Variants in IGF2R observed in about 807,000 individuals in gnomAD.
IGF2R encodes cation-independent mannose-6-phosphate receptor.
Under a neutral mutation model 270.6 loss-of-function variants are expected in IGF2R, and 91 were observed. The observed-to-expected ratio is 0.34, with a 90% CI of 0.28 to 0.40. The LOEUF is 0.40. IGF2R is among the 10% of genes least tolerant of loss of function. The pLI, the probability that IGF2R is intolerant of heterozygous loss-of-function variation, is 1.00. For synonymous variants in IGF2R, 1,316 were observed against 1,258.9 expected (o/e 1.05, Z -0.96); for missense variants, 2,805 against 3,188.3 (o/e 0.88, Z 2.90).
At chr6:159,980,188 AAAGAAAG>A (rs1287554458) in intron 1 of IGF2R, among the ~76,000 whole-genome samples, 3 of 28,860 alleles carry the variant, frequency 1.0e-4, no homozygotes, top group African/African-American at 5.4e-4. Flanking sequence ...CTCAAAAAAG[AAAGAAAG>A]AAAGAAAGAA....
chr6:160,063,834 A>G (rs953910867), intron 27 of IGF2R, among the ~76,000 whole-genome samples: 1 of 151,428 alleles, frequency 6.6e-6, no homozygotes, highest in African/African-American at 2.4e-5. Flanking sequence ...GAGCATGTCT[A>G]TTTTATTCTT....
At chr6:160,007,501 A>G (rs944946722) in intron 2 of IGF2R, 4 of 151,994 alleles carry the variant, frequency 2.6e-5, no homozygotes, top group African/African-American at 9.7e-5. Context: ...ATTGATGTAC[A>G]TTTTTCTTTG....
Position 160,019,124 on chromosome 6 carries a change from C to A in IGF2R, c.514-5448C>A, listed in dbSNP as rs192137084. Among the ~76,000 whole-genome samples, 432 of 152,044 alleles carry A rather than the reference C, an allele frequency of 2.8e-3. 7 individuals carry two copies. Among genetic ancestry groups the A allele is most frequent in the East Asian group, 0.012 (60 of 5,182 alleles). Reference sequence around the variant, plus strand: ...AAGAAAGTAGACATTACAGCTGATACCACAAAAAAGATCATAAGAGACTTC... The same window carrying A: ...AAGAAAGTAGACATTACAGCTGATAACACAAAAAAGATCATAAGAGACTTC... On this transcript the variant is annotated intron_variant, in intron 4 of 47. Transcript: ENST00000356956.
rs187344617 is a variant in IGF2R, at chr6:160,077,326, C to T, written c.5317-875C>T. 4.7e-4 allele frequency among the ~76,000 whole-genome samples: 72 copies of T among 152,212 alleles called. No individual in the cohort carries two copies. In the South Asian group the frequency reaches 7.5e-3, roughly 16 times the overall value. ...ATGGGGCAACGTGGATTTTGCCTTG[C>T]GGGGGGCTTCTGCATTAAGTTCTTC... On this transcript the variant is annotated intron_variant, in intron 36 of 47. Transcript: ENST00000356956.
intron 3 of IGF2R, among the ~76,000 whole-genome samples, chr6:160,010,030 A>G (rs1435407737): frequency 6.6e-6 from 1 of 152,226 alleles, no homozygotes; most frequent in East Asian, 1.9e-4. Context: ...GATTTATATT[A>G]CAGAATAAAA....
chr6:160,039,161 A>T (rs1481241116), intron 10 of IGF2R, among the ~76,000 whole-genome samples: 1 of 152,228 alleles, frequency 6.6e-6, no homozygotes, highest in Admixed American at 6.5e-5. Context: ...ACACACCTAG[A>T]TGGTATAGCC....
At chr6:160,053,857 G>A (rs1220949540) in intron 19 of IGF2R, among the ~76,000 whole-genome samples, 2 of 152,088 alleles carry the variant, frequency 1.3e-5, no homozygotes, top group African/African-American at 2.4e-5. Context: ...AACTACAGGT[G>A]GAGTTACCTG....
chr6:160,061,426 T>G, intron 23 of IGF2R, 77 bp from the exon 24 acceptor site: 1 of 1,363,752 alleles, frequency 7.3e-7, no homozygotes, highest in Non-Finnish European at 1.0e-6. Flanking sequence ...CCTCAGGGCT[T>G]ATTTAGGGTG....
At chr6:160,076,087 T>TA (rs1450353654) in intron 36 of IGF2R, 91 bp downstream of exon 36, 3 of 1,239,726 alleles carry the variant, frequency 2.4e-6, no homozygotes, top group African/African-American at 3.0e-5. Flanking sequence ...GGTCCAAGGA[T>TA]ACTCTTATTC....
intron 13 of IGF2R, 42 bp from the exon 14 acceptor site, chr6:160,045,703 A>G: frequency 1.2e-6 from 2 of 1,611,906 alleles, no homozygotes; most frequent in Non-Finnish European, 1.7e-6. Context: ...TATTTTAGGA[A>G]TGAACGGATT....
chr6:160,013,380 C>A (rs1583259815), intron 4 of IGF2R, among the ~76,000 whole-genome samples: 1 of 134,042 alleles, frequency 7.5e-6, no homozygotes, highest in Non-Finnish European at 1.6e-5. Context: ...ACCTGCAAAA[C>A]CCAAAATGTA....
At chr6:160,034,546 C>G (rs769071251) in intron 10 of IGF2R, 24 bp downstream of exon 10, 1 of 1,460,394 alleles carries the variant, frequency 6.8e-7, no homozygotes, top group Admixed American at 1.7e-5. Context: ...GGAGTTCAGC[C>G]CCTCCTCTTT....
At chr6:160,009,952 G>A (rs993765574) in intron 3 of IGF2R, among the ~76,000 whole-genome samples, 2 of 151,286 alleles carry the variant, frequency 1.3e-5, no homozygotes, top group African/African-American at 2.4e-5. Context: ...TTTTGGATCC[G>A]CATATAAATT....
intron 1 of IGF2R, among the ~76,000 whole-genome samples, chr6:159,970,176 G>A (rs1371365076): frequency 2.0e-5 from 3 of 152,072 alleles, no homozygotes; most frequent in Non-Finnish European, 4.4e-5. Context: ...TTCACCTCGC[G>A]CAACTGCTAG....
chr6:160,065,142 A>G (rs1778539395), intron 29 of IGF2R, among the ~76,000 whole-genome samples: 1 of 152,010 alleles, frequency 6.6e-6, no homozygotes, highest in South Asian at 2.1e-4. Flanking sequence ...GACCCCTGGC[A>G]CTCTTGCGTG....
chr6:160,097,537 C>G (rs185969129), intron 45 of IGF2R, among the ~76,000 whole-genome samples: 2 of 152,302 alleles, frequency 1.3e-5, no homozygotes, highest in Non-Finnish European at 2.9e-5. Flanking sequence ...ACCATGTTGA[C>G]CAGGCTGGTC....
intron 4 of IGF2R, among the ~76,000 whole-genome samples, chr6:160,017,498 T>C (rs1777332736): frequency 6.6e-6 from 1 of 152,146 alleles, no homozygotes; most frequent in Admixed American, 6.5e-5. Context: ...CCTCCAAATA[T>C]AGGAAGCTCA....
intron 29 of IGF2R, among the ~76,000 whole-genome samples, 163 bp from the exon 30 acceptor site, chr6:160,068,086 G>A: frequency 6.6e-6 from 1 of 151,910 alleles, no homozygotes; most frequent in Admixed American, 6.6e-5. Flanking sequence ...GTGTGTGTGT[G>A]TGTGTGTGTG....
At chr6:160,049,210 C>T (rs1370734593) in intron 18 of IGF2R, among the ~76,000 whole-genome samples, 1 of 152,202 alleles carries the variant, frequency 6.6e-6, no homozygotes, top group Non-Finnish European at 1.5e-5. Context: ...GTGTTTACCT[C>T]TGCACATGTG....
Sources: gnomAD v4.1 joint callset for allele counts (sites outside exome capture counted in the v4.1 genomes callset) on GRCh38, gnomAD v4.1.1 for gene constraint, MANE v1.5 for transcripts, NCBI Gene and HGNC (gene_info 2026-07-23, HGNC 2026-07-21) for gene names.